Variants in NRF1 observed in about 807,000 individuals in gnomAD.
NRF1 encodes nuclear respiratory factor 1.
Under a neutral mutation model 58.5 loss-of-function variants are expected in NRF1, and 5 were observed. The ratio of observed to expected loss-of-function variants is 0.09; its 90% CI spans 0.04 to 0.18. NRF1 has a LOEUF of 0.18. Among genes scored for constraint, NRF1 ranks in the 10% least tolerant of loss-of-function variants. The probability of loss-of-function intolerance (pLI) is 1.00; values close to 1 mark genes in which losing one functional copy is unlikely to be tolerated. For synonymous variants in NRF1, 224 were observed against 246.7 expected, an observed-to-expected ratio of 0.91 and a Z score of 0.86; for missense variants, 288 against 657.7, an observed-to-expected ratio of 0.44 and a Z score of 6.15.
Position 129,709,046 on chromosome 7 carries a change from G to A in NRF1, c.607-29G>A, listed in dbSNP as rs147496677. The A allele has an allele frequency of 7.8e-4, 1,114 of 1,435,550 alleles. 2 individuals carry two copies. Among genetic ancestry groups the A allele is most frequent in the Admixed American group, 1.2e-3 (50 of 40,706 alleles). 88.9% of individuals were successfully genotyped at this position (1,435,550 alleles called of 1,614,324 possible). ...AACACACCCCAGATGTCTTTCATGAGTATTGATGACCACACTGTTCTCTTC... is the reference window on the plus strand; with the variant it reads ...AACACACCCCAGATGTCTTTCATGAATATTGATGACCACACTGTTCTCTTC... On this transcript the variant is annotated intron_variant, in intron 5 of 10. Transcript: ENST00000393232.
intron 8 of NRF1, among the ~76,000 whole-genome samples, chr7:129,713,120 G>A (rs987299017): frequency 3.1e-4 from 44 of 140,114 alleles, no homozygotes; most frequent in Non-Finnish European, 5.6e-4. Context: ...TTCCTGAGAC[G>A]GAATCTCACT....
intron 9 of NRF1, among the ~76,000 whole-genome samples, chr7:129,726,358 G>A (rs1318485025): frequency 2.6e-5 from 4 of 152,064 alleles, no homozygotes; most frequent in Admixed American, 2.6e-4. Flanking sequence ...ATAATAGTAT[G>A]TCTTACAGTT....
chr7:129,617,989 TTATTC>T (rs998734243), intron 1 of NRF1, among the ~76,000 whole-genome samples: 3 of 152,194 alleles, frequency 2.0e-5, no homozygotes, highest in African/African-American at 4.8e-5. Context: ...AGTGTGAACT[TTATTC>T]TATAGGCATT....
intron 1 of NRF1, among the ~76,000 whole-genome samples, chr7:129,614,304 C>T (rs1202098358): frequency 6.6e-6 from 1 of 151,674 alleles, no homozygotes; most frequent in Admixed American, 6.6e-5. Flanking sequence ...TTAGTAGAGA[C>T]GGGGTTTTGG....
At chr7:129,622,267 A>G (rs1562951197) in intron 1 of NRF1, among the ~76,000 whole-genome samples, 1 of 152,176 alleles carries the variant, frequency 6.6e-6, no homozygotes, top group African/African-American at 2.4e-5. Flanking sequence ...AGATAACACA[A>G]TTATGGCCCT....
intron 1 of NRF1, among the ~76,000 whole-genome samples, chr7:129,619,962 T>C (rs1230546047): frequency 6.6e-6 from 1 of 152,078 alleles, no homozygotes; most frequent in African/African-American, 2.4e-5. Context: ...TGAAAAGTTA[T>C]GTGTGAGTGC....
At chr7:129,635,745 C>T (rs1801157213) in intron 1 of NRF1, among the ~76,000 whole-genome samples, 1 of 152,090 alleles carries the variant, frequency 6.6e-6, no homozygotes. Context: ...AAGTGGTTGT[C>T]TAGGTTTTGC....
chr7:129,727,779 G>A (rs1011019839), intron 10 of NRF1, among the ~76,000 whole-genome samples: 16 of 152,258 alleles, frequency 1.1e-4, no homozygotes, highest in Admixed American at 5.2e-4. Flanking sequence ...CAAGAAAGGC[G>A]CCAATGTCTC....
intron 1 of NRF1, among the ~76,000 whole-genome samples, chr7:129,650,720 T>A (rs1455420608): frequency 6.6e-6 from 1 of 152,106 alleles, no homozygotes; most frequent in East Asian, 1.9e-4. Flanking sequence ...TGCGAATAGG[T>A]AGTCATTTTT....
chr7:129,673,126 A>G (rs543206528), intron 3 of NRF1, among the ~76,000 whole-genome samples: 1 of 152,314 alleles, frequency 6.6e-6, no homozygotes, highest in Admixed American at 6.5e-5. Context: ...TGATGGGTTG[A>G]AAAAGATGCC....
At chr7:129,737,984 A>G (rs1275562326) in intron 10 of NRF1, among the ~76,000 whole-genome samples, 1 of 152,186 alleles carries the variant, frequency 6.6e-6, no homozygotes, top group Admixed American at 6.5e-5. Context: ...AAGGTCCCCA[A>G]AGAGCAGCAC....
chr7:129,674,397 A>G (rs960253982), intron 3 of NRF1, among the ~76,000 whole-genome samples: 107 of 122,032 alleles, frequency 8.8e-4, no homozygotes, highest in Non-Finnish European at 1.3e-3. Flanking sequence ...CAGTGGTATT[A>G]TATCTAAAAA....
chr7:129,682,895 G>A (rs1802352659), intron 4 of NRF1, among the ~76,000 whole-genome samples: 2 of 152,058 alleles, frequency 1.3e-5, no homozygotes, highest in Admixed American at 6.6e-5. Context: ...TTACATAAAT[G>A]GATTATAAGA....
At chr7:129,616,889 A>T (rs1371120172) in intron 1 of NRF1, among the ~76,000 whole-genome samples, 1 of 152,192 alleles carries the variant, frequency 6.6e-6, no homozygotes, top group Non-Finnish European at 1.5e-5. Context: ...AGAGAAGATG[A>T]TACTAGTAAA....
chr7:129,658,987 C>T (rs1258977590), intron 2 of NRF1, among the ~76,000 whole-genome samples: 1 of 150,268 alleles, frequency 6.7e-6, no homozygotes, highest in Non-Finnish European at 1.5e-5. Flanking sequence ...CATTTTATAT[C>T]AGGGACTTGA....
At chr7:129,628,958 T>G (rs1161275449) in intron 1 of NRF1, among the ~76,000 whole-genome samples, 1 of 152,238 alleles carries the variant, frequency 6.6e-6, no homozygotes, top group Admixed American at 6.5e-5. Flanking sequence ...AAAAATCACA[T>G]TCTTTAACAT....
chr7:129,696,072 A>AAC (rs1802687702), intron 5 of NRF1, among the ~76,000 whole-genome samples: 1 of 141,856 alleles, frequency 7.0e-6, no homozygotes, highest in Non-Finnish European at 1.5e-5. Flanking sequence ...AAAAAAAAAA[A>AAC]AAAAAAAAAA....
At chr7:129,704,094 C>T (rs1802896843) in intron 5 of NRF1, among the ~76,000 whole-genome samples, 1 of 141,668 alleles carries the variant, frequency 7.1e-6, no homozygotes, top group Admixed American at 7.0e-5. Flanking sequence ...AGTGCATGTG[C>T]GAGAGGGAGC....
In NRF1 at chr7:129,709,107, C is replaced by G. The variant is rs199686230; in HGVS notation, c.639C>G (p.Leu213=). ...AQLRAFIPEM[L]KYSTGRGKPG... is the part of the protein sequence containing the mutation. ...TTCGGGCATTTATCCCAGAGATGCT[C>G]AAGTACTCTACAGGTCGGGGAAAAC... is the stretch of plus-strand genomic sequence containing the variant. Residue 213 remains leucine, a synonymous_variant, in exon 6 of 11, where the codon CTC becomes CTG. Coordinates refer to ENST00000393232, the MANE Select transcript of NRF1 (RefSeq NM_005011.5). 54 of 1,584,756 alleles carry G rather than the reference C, an allele frequency of 3.4e-5. No individual in the cohort carries two copies. In the East Asian group the frequency reaches 1.0e-3, roughly 30 times the overall value.
Sources: allele counts gnomAD v4.1 joint callset (sites outside exome capture counted in the v4.1 genomes callset), GRCh38; gene constraint gnomAD v4.1.1; transcripts MANE v1.5; gene names NCBI Gene and HGNC (gene_info 2026-07-23, HGNC 2026-07-21).